MAP3K13: variants seen among roughly 807,000 people sequenced by gnomAD.
MAP3K13 encodes the protein leucine zipper-bearing kinase.
MAP3K13 carries 52 observed loss-of-function variants against 104.0 expected under a neutral mutation model. The observed-to-expected ratio is 0.50, with a 90% CI of 0.40 to 0.63. MAP3K13 has a LOEUF of 0.63. MAP3K13 is among the 20% of genes least tolerant of loss of function. The pLI is 0.00. For synonymous variants in MAP3K13, 394 were observed against 442.2 expected (o/e 0.89, Z 1.37); for missense variants, 914 against 1,218.5 (o/e 0.75, Z 3.72).
rs1336765554 is a variant in MAP3K13, at chr3:185,363,148, A to G, written c.-306A>G. The G allele has an allele frequency of 8.1e-6, 8 of 984,202 alleles. No homozygotes were observed. Among genetic ancestry groups the G allele is most frequent in the African/African-American group, 1.8e-5 (1 of 56,784 alleles). 61.0% of individuals were successfully genotyped at this position (984,202 alleles called of 1,614,324 possible). ...TCTTTTTTTTTTCATGACACACACC[A>G]CAGCGAAGTCTGTGCGGAATCCTAA... On this transcript the variant is annotated 5_prime_UTR_variant, in exon 1 of 14. Transcript: ENST00000265026.
At chr3:185,329,228 T>C in intron 2 of MAP3K13, 2 of 703,144 alleles carry the variant, frequency 2.8e-6, no homozygotes, top group Non-Finnish European at 5.2e-6. Flanking sequence ...TGAGTGCAAG[T>C]GTTTACAGTT....
chr3:185,382,275 ATC>A (rs1452118280), intron 1 of MAP3K13, among the ~76,000 whole-genome samples: 2 of 152,222 alleles, frequency 1.3e-5, no homozygotes, highest in Non-Finnish European at 2.9e-5. Flanking sequence ...TGTGAATGTG[ATC>A]TCTTTCTCTC....
intron 2 of MAP3K13, among the ~76,000 whole-genome samples, chr3:185,435,026 CAG>C (rs1488371816): frequency 2.0e-5 from 3 of 151,900 alleles, no homozygotes; most frequent in Non-Finnish European, 4.4e-5. Flanking sequence ...TGTTTTGAGA[CAG>C]AGTTTCGCTC....
chr3:185,297,734 CAAAAAA>C (rs59750658), intron 2 of MAP3K13, among the ~76,000 whole-genome samples: 1 of 51,324 alleles, frequency 1.9e-5, no homozygotes, highest in Non-Finnish European at 5.3e-5. Flanking sequence ...GACTCCGTCT[CAAAAAA>C]AAAAAAAAAG....
At chr3:185,417,875 G>T in intron 1 of MAP3K13, 1 of 1,605,518 alleles carries the variant, frequency 6.2e-7, no homozygotes, top group South Asian at 1.1e-5. Context: ...GGTGCTCAAA[G>T]GGCTCTTTGG....
intron 2 of MAP3K13, among the ~76,000 whole-genome samples, chr3:185,289,971 A>G (rs1262641828): frequency 6.6e-6 from 1 of 152,212 alleles, no homozygotes; most frequent in Non-Finnish European, 1.5e-5. Flanking sequence ...GCTCCAGTCT[A>G]TTAATTAAGT....
At chr3:185,392,575 AC>A (rs776146507) in intron 1 of MAP3K13, among the ~76,000 whole-genome samples, 16 of 152,366 alleles carry the variant, frequency 1.1e-4, no homozygotes, top group Non-Finnish European at 2.1e-4. Context: ...GGTCAATGTC[AC>A]ACATGAGGCT....
At chr3:185,330,220 T>G (rs1722212742) in intron 2 of MAP3K13, among the ~76,000 whole-genome samples, 1 of 152,166 alleles carries the variant, frequency 6.6e-6, no homozygotes, top group South Asian at 2.1e-4. Flanking sequence ...GCCTTTCAAA[T>G]CACTGGAGGA....
At chr3:185,477,091 T>A (rs748139513) in intron 11 of MAP3K13, 5 of 635,032 alleles carry the variant, frequency 7.9e-6, no homozygotes, top group South Asian at 7.6e-5. Context: ...CAAAGAAAAT[T>A]TCACTCAGTT....
At chr3:185,380,948 GT>G (rs773970746) in intron 1 of MAP3K13, among the ~76,000 whole-genome samples, 3 of 109,036 alleles carry the variant, frequency 2.8e-5, no homozygotes, top group Non-Finnish European at 4.3e-5. Context: ...AGGTTTTTTT[GT>G]TTTTTTTTTG....
intron 2 of MAP3K13, chr3:185,328,935 A>AT (rs1722139448): frequency 2.9e-6 from 1 of 340,758 alleles, no homozygotes; most frequent in Non-Finnish European, 5.5e-6. Flanking sequence ...TGGTAGTTCC[A>AT]TGCTGTCTGT....
chr3:185,289,004 C>G (rs1272275454), intron 2 of MAP3K13, among the ~76,000 whole-genome samples: 1 of 152,096 alleles, frequency 6.6e-6, no homozygotes, highest in Non-Finnish European at 1.5e-5. Context: ...AACAGGAGAA[C>G]TGTTTTTACT....
At chr3:185,350,464 G>A (rs1173843063) in intron 2 of MAP3K13, among the ~76,000 whole-genome samples, 1 of 152,206 alleles carries the variant, frequency 6.6e-6, no homozygotes, top group Non-Finnish European at 1.5e-5. Context: ...TGGGATTACA[G>A]GCGTGAGCCA....
chr3:185,382,529 C>T (rs944723832), intron 1 of MAP3K13, among the ~76,000 whole-genome samples: 1 of 152,104 alleles, frequency 6.6e-6, no homozygotes, highest in African/African-American at 2.4e-5. Context: ...TATAAAACTA[C>T]AGATTGGATG....
chr3:185,388,069 A>G (rs1219355866), intron 1 of MAP3K13, among the ~76,000 whole-genome samples: 1 of 152,080 alleles, frequency 6.6e-6, no homozygotes, highest in African/African-American at 2.4e-5. Flanking sequence ...AATATATACC[A>G]ACAACAAACT....
intron 2 of MAP3K13, among the ~76,000 whole-genome samples, chr3:185,316,551 G>A (rs1721681019): frequency 6.6e-6 from 1 of 152,196 alleles, no homozygotes; most frequent in Non-Finnish European, 1.5e-5. Flanking sequence ...TGAGGCAGGA[G>A]GTTCACTTAA....
intron 2 of MAP3K13, among the ~76,000 whole-genome samples, chr3:185,337,454 A>G (rs1202098501): frequency 6.6e-6 from 1 of 152,250 alleles, no homozygotes; most frequent in Non-Finnish European, 1.5e-5. Context: ...GACACATCTC[A>G]TCTAAGAAAA....
chr3:185,408,026 G>A (rs988016147), intron 1 of MAP3K13, among the ~76,000 whole-genome samples: 2 of 151,800 alleles, frequency 1.3e-5, no homozygotes, highest in African/African-American at 2.4e-5. Context: ...ACAGGTGTGA[G>A]CCACTTTTTT....
chr3:185,408,814 A>G (rs1197453065), intron 1 of MAP3K13, among the ~76,000 whole-genome samples: 2 of 152,184 alleles, frequency 1.3e-5, no homozygotes, highest in Non-Finnish European at 2.9e-5. Flanking sequence ...ACAACTATTT[A>G]TAATATACCA....
Sources: gnomAD v4.1 joint callset for allele counts (sites outside exome capture counted in the v4.1 genomes callset) on GRCh38, gnomAD v4.1.1 for gene constraint, MANE v1.5 for transcripts, NCBI Gene and HGNC (gene_info 2026-07-23, HGNC 2026-07-21) for gene names.